The following CENPE variants were observed in gnomAD, a reference collection of about 807,000 sequenced individuals.
CENPE encodes centromere-associated protein E.
CENPE carries 145 observed loss-of-function variants against 336.1 expected under a neutral mutation model. The observed-to-expected ratio is 0.43, with a 90% CI of 0.38 to 0.50. CENPE has a LOEUF of 0.50. CENPE is among the 20% of genes least tolerant of loss of function. CENPE has a pLI of 0.00. For synonymous variants in CENPE, 1,013 were observed against 984.8 expected, an observed-to-expected ratio of 1.03 and a Z score of -0.54; for missense variants, 2,719 against 3,023.3, an observed-to-expected ratio of 0.90 and a Z score of 2.36.
intron 1 of CENPE, among the ~76,000 whole-genome samples, chr4:103,197,486 T>C (rs1757829157): frequency 6.6e-6 from 1 of 152,244 alleles, no homozygotes; most frequent in Non-Finnish European, 1.5e-5. Flanking sequence ...TTTCTTTATG[T>C]AGCCGTTTAA....
chr4:103,145,428 A>G, intron 31 of CENPE, 94 bp from the exon 32 acceptor site: 1 of 1,409,542 alleles, frequency 7.1e-7, no homozygotes. Context: ...TTGCTTCCCA[A>G]AACAATTAAG....
At chr4:103,174,474 A>C (rs1755685178) in intron 16 of CENPE, among the ~76,000 whole-genome samples, 1 of 152,014 alleles carries the variant, frequency 6.6e-6, no homozygotes, top group African/African-American at 2.4e-5. Flanking sequence ...TTGTATTCTT[A>C]AAAAACATAA....
chr4:103,176,915 TA>T lies in CENPE; in HGVS notation c.1373del (p.Leu458TyrfsTer22). ...AGCACTCACATTCATCAATTTCTCG[TA>T]ATAAATTTATAGAAAGCTTATGTGT... is the stretch of plus-strand genomic sequence containing the variant. The part of the protein sequence containing the change: ...TKTHKLSINL[L>X]REIDESVCSE... On this transcript the variant is annotated frameshift_variant, in exon 14 of 49. Coordinates refer to ENST00000265148, the MANE Select transcript of CENPE (RefSeq NM_001813.3). LOFTEE classifies it high-confidence loss of function. The T allele has an allele frequency of 6.3e-7, 1 of 1,584,676 alleles. No individual in the cohort carries two copies. The highest frequency in any genetic ancestry group is 1.8e-5 in the Admixed American group (1 of 54,206).
rs761427800 is a variant in CENPE at position 103,140,816 on chromosome 4, T to C, written c.5752A>G (p.Arg1918Gly). Reference protein sequence around the residue: ...LKESLQETKARDLEIQQELKT... With the variant: ...LKESLQETKAGDLEIQQELKT... ...GGTAAAGAGAGAACACAACTCACTC[T>C]AGCTTTGGTTTCTTGCAGGCTTTCC... The change falls in exon 36 of 49, where the codon AGA becomes GGA. Residue 1918 changes from arginine to glycine, a missense_variant and splice_region_variant. By Grantham distance (125) the Arg-to-Gly change is moderately radical. Coordinates refer to ENST00000265148, the MANE Select transcript of CENPE (RefSeq NM_001813.3). 1 of 1,580,776 alleles carries C rather than the reference T, an allele frequency of 6.3e-7. No homozygotes were observed. The highest frequency in any genetic ancestry group is 1.4e-5 in the African/African-American group (1 of 72,986).
At chr4:103,139,663 C>A (rs1325729221) in intron 38 of CENPE, 126 bp downstream of exon 38, 7 of 781,882 alleles carry the variant, frequency 9.0e-6, no homozygotes, top group East Asian at 2.9e-5. Context: ...ATTAGAGTAA[C>A]CATTTCCCAC....
intron 8 of CENPE, among the ~76,000 whole-genome samples, chr4:103,189,212 ACT>A (rs1246598670): frequency 2.6e-5 from 4 of 152,230 alleles, no homozygotes; most frequent in African/African-American, 9.6e-5. Flanking sequence ...TACCAGAGGT[ACT>A]AGGAGGAGCT....
intron 42 of CENPE, among the ~76,000 whole-genome samples, chr4:103,129,177 G>T (rs904738744): frequency 2.0e-5 from 3 of 152,052 alleles, no homozygotes; most frequent in Non-Finnish European, 4.4e-5. Flanking sequence ...AAGAAAGGCA[G>T]TTCGATTAGG....
At chr4:103,117,339 G>A (rs1750219445) in intron 44 of CENPE, among the ~76,000 whole-genome samples, 1 of 152,068 alleles carries the variant, frequency 6.6e-6, no homozygotes, top group Non-Finnish European at 1.5e-5. Flanking sequence ...TTCCATGACA[G>A]TTTATTTGTA....
intron 16 of CENPE, among the ~76,000 whole-genome samples, chr4:103,174,062 C>A (rs1397522009): frequency 4.6e-5 from 7 of 151,860 alleles, no homozygotes; most frequent in African/African-American, 1.7e-4. Flanking sequence ...ATATTTACTG[C>A]AGCACTTTCC....
chr4:103,140,188 T>A, intron 37 of CENPE, 68 bp downstream of exon 37: 1 of 1,485,396 alleles, frequency 6.7e-7, no homozygotes, highest in Non-Finnish European at 9.1e-7. Flanking sequence ...TCTGTATCTA[T>A]ATCTTTTTAA....
intron 9 of CENPE, among the ~76,000 whole-genome samples, chr4:103,183,752 C>T (rs1388878069): frequency 2.6e-5 from 4 of 152,144 alleles, no homozygotes; most frequent in Non-Finnish European, 2.9e-5. Context: ...TATCCCCATT[C>T]AACCAGTTCC....
intron 8 of CENPE, 93 bp downstream of exon 8, chr4:103,194,136 A>C: frequency 1.2e-6 from 1 of 849,638 alleles, no homozygotes; most frequent in East Asian, 2.6e-5. Context: ...CATTTAGTTT[A>C]GTTAACAGTT....
Position 103,148,967 on chromosome 4 carries a change from A to G in CENPE, c.3720T>C (p.Ala1240=), listed in dbSNP as rs771019272. The change falls in exon 28 of 49, where the codon GCT becomes GCC. Residue 1240 remains alanine, a synonymous_variant. Transcript: ENST00000265148. ...GLQTKEELKI[A]HIHLKEHQET... ...CTTGGTGTTCTTTTAGGTGAATATG[A>G]GCAATTTTTAGTTCTTCTTTGGTTT... 6.2e-7 allele frequency: 1 copy of G among 1,613,652 alleles called. No homozygotes were observed.
rs183506919 is a variant in CENPE at position 103,142,325 on chromosome 4, A to G, written c.5305-417T>C. ...TCCGTAAGGAAAATGATAATTGCAG[A>G]CTTGAACTTTTCAAGAACAGTACCA... On this transcript the variant is annotated intron_variant, in intron 34 of 48. Coordinates refer to ENST00000265148, the MANE Select transcript of CENPE (RefSeq NM_001813.3). 3.1e-3 allele frequency among the ~76,000 whole-genome samples: 477 copies of G among 152,348 alleles called. 2 individuals carry two copies. The highest frequency in any genetic ancestry group is 0.011 in the African/African-American group (456 of 41,586).
chr4:103,176,827 C>G, intron 14 of CENPE, 72 bp downstream of exon 14: 1 of 1,109,234 alleles, frequency 9.0e-7, no homozygotes. Context: ...ATTAACTGAG[C>G]TATAAACATA....
chr4:103,189,867 T>C (rs1246641278), intron 8 of CENPE, among the ~76,000 whole-genome samples: 3 of 152,180 alleles, frequency 2.0e-5, no homozygotes, highest in Admixed American at 6.5e-5. Flanking sequence ...TGTTTGCAGA[T>C]GACATGATTG....
intron 47 of CENPE, among the ~76,000 whole-genome samples, chr4:103,109,395 G>T (rs1299600392): frequency 2.6e-5 from 4 of 152,112 alleles, no homozygotes; most frequent in African/African-American, 9.7e-5. Context: ...ATAATCCAGA[G>T]TGGCTTATCT....
At chr4:103,180,695 T>C (rs1280504889) in intron 12 of CENPE, among the ~76,000 whole-genome samples, 1 of 152,196 alleles carries the variant, frequency 6.6e-6, no homozygotes, top group Non-Finnish European at 1.5e-5. Context: ...GTAACTATTC[T>C]ATATACCATG....
In CENPE at chr4:103,148,953, T is replaced by C. The variant is rs1386180413; in HGVS notation, c.3734A>G (p.Lys1245Arg). 3 of 1,613,888 alleles carry C rather than the reference T, an allele frequency of 1.9e-6. No homozygotes were observed. The highest frequency in any genetic ancestry group is 8.5e-7 in the Non-Finnish European group (1 of 1,179,874). Residue 1245 changes from lysine to arginine, a missense_variant, in exon 28 of 49, where the codon AAA (lysine) becomes AGA (arginine). Around this residue, in one of 5 missense-constraint regions of CENPE, gnomAD observed 2,437 missense variants for 2,513.3 expected, o/e 0.97. Coordinates refer to ENST00000265148, the MANE Select transcript of CENPE (RefSeq NM_001813.3). Reference protein sequence around the residue: ...EELKIAHIHLKEHQETIDELR... With the variant: ...EELKIAHIHLREHQETIDELR... The stretch of plus-strand genomic sequence containing the variant: ...TTCATCAATAGTTTCTTGGTGTTCT[T>C]TTAGGTGAATATGAGCAATTTTTAG...
Sources: allele counts gnomAD v4.1 joint callset (sites outside exome capture counted in the v4.1 genomes callset), GRCh38; gene constraint gnomAD v4.1.1; regional missense constraint gnomAD v4.1.1; transcripts MANE v1.5; gene names NCBI Gene and HGNC (gene_info 2026-07-23, HGNC 2026-07-21).